LYL1: variants seen among roughly 807,000 people sequenced by gnomAD.
LYL1 encodes LYL1 basic helix-loop-helix family member, also known as protein lyl-1.
In LYL1, 4 loss-of-function variants were observed where a neutral mutation model predicts 11.1. That is an observed-to-expected ratio of 0.36 (90% CI 0.18 to 0.82). LYL1 has a LOEUF of 0.82. Among genes scored for constraint, LYL1 ranks in the 40% least tolerant of loss-of-function variants. LYL1 has a pLI of 0.49. For missense variants in LYL1, 356 were observed against 397.6 expected (o/e 0.90, Z 0.89); for synonymous variants, 179 against 174.8 (o/e 1.02, Z -0.19).
rs1305642227 is a variant in LYL1 at position 13,099,744 on chromosome 19, AGGAG to A, written c.428-14_428-11del. The A allele has an allele frequency of 6.9e-7, 1 of 1,454,406 alleles. No individual in the cohort carries two copies. Among genetic ancestry groups the A allele is most frequent in the Non-Finnish European group, 9.1e-7 (1 of 1,095,130 alleles). 90.1% of individuals were successfully genotyped at this position (1,454,406 alleles called of 1,614,324 possible). A position where few individuals can be genotyped will look rare whatever the true frequency, so the allele number is the denominator to read the frequency against. Reference sequence around the variant, plus strand: ...TTCTGGGGCTGGTGCCCTGTGGACAAGGAGGGCCGGGTTGGTGCCATGGCCCAAA... The same window carrying A: ...TTCTGGGGCTGGTGCCCTGTGGACAAGGCCGGGTTGGTGCCATGGCCCAAA... On this transcript the variant is annotated splice_polypyrimidine_tract_variant and intron_variant, in intron 3 of 3. Transcript: ENST00000264824. The surrounding 1 kb of genome is among the most constrained non-coding windows in gnomAD (Gnocchi z 5.3).
In LYL1 at chr19:13,099,365, C is replaced by G. The variant is rs749120126; in HGVS notation, c.797G>C (p.Arg266Pro). Residue 266 changes from arginine (R) to proline (P), a missense_variant, in exon 4 of 4, where the codon CGG (arginine) becomes CCG (proline). Transcript: ENST00000264824. This position sits in a 1 kb window ranked among gnomAD's most constrained non-coding sequence, Gnocchi z 5.3. ...AGCGGTTTGCTCCATCTTGATGGGC[C>G]GGGCCGCTCCACCGGGGCTGCCGTC... is the stretch of plus-strand genomic sequence containing the variant. ...DPDGSPGGAA[R>P]PIKMEQTALS... The G allele has an allele frequency of 1.0e-5, 13 of 1,278,088 alleles. No individual in the cohort carries two copies. Among genetic ancestry groups the G allele is most frequent in the Middle Eastern group, 5.2e-4 (2 of 3,864 alleles). 79.2% of individuals were successfully genotyped at this position (1,278,088 alleles called of 1,614,324 possible).
intron 3 of LYL1, among the ~76,000 whole-genome samples, chr19:13,100,320 G>A (rs2018665354): frequency 6.6e-6 from 1 of 152,210 alleles, no homozygotes; most frequent in South Asian, 2.1e-4. Flanking sequence ...TTGCATGGCT[G>A]TGGTCTTGTG....
At position 13,099,551 on chromosome 19, in the gene LYL1, C is replaced by T. The variant is rs1165825965; in HGVS notation, c.611G>A (p.Arg204Gln). ...AGCTGCGGCTTGGTCGCGCAGCAGC[C>T]GCACCAGGAAGCCGATGTACTTCAT... ...LAMKYIGFLV[R>Q]LLRDQAAALA... The change falls in exon 4 of 4, where the codon CGG (arginine) becomes CAG (glutamine). Residue 204 changes from arginine to glutamine, a missense_variant. Coordinates refer to ENST00000264824, the MANE Select transcript of LYL1 (RefSeq NM_005583.5). This position sits in a 1 kb window ranked among gnomAD's most constrained non-coding sequence, Gnocchi z 5.3. 1.3e-6 allele frequency: 2 copies of T among 1,517,790 alleles called. No homozygotes were observed. Among genetic ancestry groups the T allele is most frequent in the Non-Finnish European group, 1.8e-6 (2 of 1,130,164 alleles). The allele number at this position is 1,517,790 out of a possible 1,614,324, so 94.0% of individuals were successfully genotyped here. A position where few individuals can be genotyped will look rare whatever the true frequency, so the allele number is the denominator to read the frequency against.
rs777309732 is a variant in LYL1, at chr19:13,101,092, G to A, written c.80C>T (p.Ala27Val). ...GGCAGGCTTAGGGGGTGGGGCAGGCGCTGGGCTGGGGGCACACACCATCTC... is the reference window on the plus strand; with the variant it reads ...GGCAGGCTTAGGGGGTGGGGCAGGCACTGGGCTGGGGGCACACACCATCTC... ...KAEMVCAPSP[A>V]PAPPPKPASP... The change falls in exon 2 of 4, where the codon GCG (alanine) becomes GTG (valine). Residue 27 changes from alanine (A) to valine (V), a missense_variant. By Grantham distance (64) the Ala-to-Val change is moderately conservative (BLOSUM62 0). Coordinates refer to ENST00000264824, the MANE Select transcript of LYL1 (RefSeq NM_005583.5). The surrounding 1 kb of genome is among the most constrained non-coding windows in gnomAD (Gnocchi z 5.1). 1.1e-5 allele frequency: 17 copies of A among 1,487,572 alleles called. No homozygotes were observed. The highest frequency in any genetic ancestry group is 7.1e-5 in the East Asian group (3 of 42,136). The allele number at this position is 1,487,572 out of a possible 1,614,324, so 92.1% of individuals were successfully genotyped here. A position where few individuals can be genotyped will look rare whatever the true frequency, so the allele number is the denominator to read the frequency against.
chr19:13,101,439 T>C lies in LYL1; in HGVS notation c.-24-244A>G. The C allele has an allele frequency of 2.6e-6, 1 of 388,952 alleles. No individual in the cohort carries two copies. The highest frequency in any genetic ancestry group is 4.6e-6 in the Non-Finnish European group (1 of 219,740). 24.1% of individuals were successfully genotyped at this position (388,952 alleles called of 1,614,324 possible). A position where few individuals can be genotyped will look rare whatever the true frequency, so the allele number is the denominator to read the frequency against. ...TAGGCAGCGCACTGTCCCTGAGCTC[T>C]TTGTGACCCAGGAGGGGCGCTGTTG... is the stretch of plus-strand genomic sequence containing the variant. On this transcript the variant is annotated intron_variant, in intron 1 of 3. Coordinates refer to ENST00000264824, the MANE Select transcript of LYL1 (RefSeq NM_005583.5). This position sits in a 1 kb window ranked among gnomAD's most constrained non-coding sequence, Gnocchi z 5.1.
At position 13,100,892 on chromosome 19, in the gene LYL1, C is replaced by T; in HGVS notation, c.280G>A (p.Gly94Arg). 6.4e-7 allele frequency: 1 copy of T among 1,563,594 alleles called. No individual in the cohort carries two copies. The highest frequency in any genetic ancestry group is 8.7e-7 in the Non-Finnish European group (1 of 1,154,174). The change falls in exon 2 of 4, where the codon GGA becomes AGA. Residue 94 changes from glycine to arginine, a missense_variant. Coordinates refer to ENST00000264824, the MANE Select transcript of LYL1 (RefSeq NM_005583.5). Reference protein sequence around the residue: ...RPPLLQLSTLGTAPPTLALHY... With the variant: ...RPPLLQLSTLRTAPPTLALHY... ...AGGGCCAAAGTGGGCGGGGCAGTTCCCAGGGTGGAGAGTTGCAGCAGCGGG... is the reference window on the plus strand; with the variant it reads ...AGGGCCAAAGTGGGCGGGGCAGTTCTCAGGGTGGAGAGTTGCAGCAGCGGG...
chr19:13,101,262 G>C lies in LYL1; in HGVS notation c.-24-67C>G. On this transcript the variant is annotated intron_variant, in intron 1 of 3. Coordinates refer to ENST00000264824, the MANE Select transcript of LYL1 (RefSeq NM_005583.5). The surrounding 1 kb of genome is among the most constrained non-coding windows in gnomAD (Gnocchi z 5.1). ...CCCCGCTCCCACCTGCTTAGCTCAA[G>C]AAACCCCTCAAATGGGAAGGAGGGA... 8.8e-6 allele frequency: 4 copies of C among 454,434 alleles called. No individual in the cohort carries two copies. The highest frequency in any genetic ancestry group is 2.1e-5 in the African/African-American group (1 of 46,878). 28.2% of individuals were successfully genotyped at this position (454,434 alleles called of 1,614,324 possible).
chr19:13,100,188 G>A (rs1229983306), intron 3 of LYL1, among the ~76,000 whole-genome samples: 1 of 152,344 alleles, frequency 6.6e-6, no homozygotes, highest in Middle Eastern at 3.4e-3. Flanking sequence ...TATGTGTGAT[G>A]TTGCCATGTG....
At position 13,100,994 on chromosome 19, in the gene LYL1, C is replaced by T. The variant is rs1307654203; in HGVS notation, c.178G>A (p.Val60Ile). 8.8e-6 allele frequency: 13 copies of T among 1,478,386 alleles called. No homozygotes were observed. In the South Asian group the frequency reaches 1.8e-4, roughly 21 times the overall value. 91.6% of individuals were successfully genotyped at this position (1,478,386 alleles called of 1,614,324 possible). A position where few individuals can be genotyped will look rare whatever the true frequency, so the allele number is the denominator to read the frequency against. Residue 60 changes from valine (V) to isoleucine (I), a missense_variant, in exon 2 of 4, where the codon GTA becomes ATA. By Grantham distance (29) the Val-to-Ile change is conservative. Transcript: ENST00000264824. ...GSSPPRLPPG[V>I]PVISLGHSRP... ...CTGTGGCCCAGGCTGATCACTGGTA[C>T]ACCAGGTGGCAGCCTGGGGGGCGAG...
In LYL1 at chr19:13,100,852, T is replaced by G; in HGVS notation, c.320A>C (p.His107Pro). ...CCCCACTGACCTGTTGAGGAAGGGG[T>G]GAGGGTGGTAGTGCAGGGCCAAAGT... ...PPTLALHYHPHPFLNSVYIGP... is the reference protein window; with the variant it reads ...PPTLALHYHPPPFLNSVYIGP... Residue 107 changes from histidine (H) to proline (P), a missense_variant, in exon 2 of 4, where the codon CAC (histidine) becomes CCC (proline). His to Pro is a moderately conservative substitution (Grantham distance 77). Transcript: ENST00000264824. 6.3e-7 allele frequency: 1 copy of G among 1,575,938 alleles called. No individual in the cohort carries two copies. Among genetic ancestry groups the G allele is most frequent in the East Asian group, 2.3e-5 (1 of 42,924 alleles).
intron 3 of LYL1, among the ~76,000 whole-genome samples, chr19:13,100,289 T>C (rs1334108324): frequency 6.6e-6 from 1 of 150,680 alleles, no homozygotes; most frequent in Non-Finnish European, 1.5e-5. Flanking sequence ...TTGTGTGTGG[T>C]TGTGGTCCTG....
Position 13,100,460 on chromosome 19 carries a change from G to T in LYL1, c.427+197C>A, listed in dbSNP as rs144591813. On this transcript the variant is annotated intron_variant, in intron 3 of 3. Transcript: ENST00000264824. ...CCTGTTGGGTGGCGGTGGTTGTGTG[G>T]GGCTGGCTATGGGACTGCGATTTTG... 5.0e-3 allele frequency among the ~76,000 whole-genome samples: 754 copies of T among 152,316 alleles called. 4 individuals are homozygous for T. The highest frequency in any genetic ancestry group is 0.018 in the African/African-American group (732 of 41,568).
At position 13,102,167 on chromosome 19, in the gene LYL1, G is replaced by C. The variant is rs964470500; in HGVS notation, c.-25+364C>G. ...AAAAAAAAAAATTTTTTTTGTAGAGGCAGGTTCTCACTCTGTTGTCCAGGG... is the reference window on the plus strand; with the variant it reads ...AAAAAAAAAAATTTTTTTTGTAGAGCCAGGTTCTCACTCTGTTGTCCAGGG... On this transcript the variant is annotated intron_variant, in intron 1 of 3. Coordinates refer to ENST00000264824, the MANE Select transcript of LYL1 (RefSeq NM_005583.5). This position sits in a 1 kb window ranked among gnomAD's most constrained non-coding sequence, Gnocchi z 4.9. The C allele has an allele frequency of 9.9e-6, 2 of 202,452 alleles. No individual in the cohort carries two copies. The highest frequency in any genetic ancestry group is 2.0e-5 in the Non-Finnish European group (2 of 98,574). 12.5% of individuals were successfully genotyped at this position (202,452 alleles called of 1,614,324 possible). A position where few individuals can be genotyped will look rare whatever the true frequency, so the allele number is the denominator to read the frequency against.
Position 13,100,887 on chromosome 19 carries a change from A to C in LYL1, c.285T>G (p.Thr95=), listed in dbSNP as rs748848233. 1.9e-6 allele frequency: 3 copies of C among 1,565,406 alleles called. No homozygotes were observed. Among genetic ancestry groups the C allele is most frequent in the East Asian group, 4.7e-5 (2 of 42,508 alleles). Reference sequence around the variant, plus strand: ...AGTGCAGGGCCAAAGTGGGCGGGGCAGTTCCCAGGGTGGAGAGTTGCAGCA... The same window carrying C: ...AGTGCAGGGCCAAAGTGGGCGGGGCCGTTCCCAGGGTGGAGAGTTGCAGCA... The part of the protein sequence containing the change: ...PPLLQLSTLG[T]APPTLALHYH... The change falls in exon 2 of 4, where the codon ACT becomes ACG. Residue 95 remains threonine (T), a synonymous_variant. Transcript: ENST00000264824.
Position 13,099,568 on chromosome 19 carries a change from G to C in LYL1, c.594C>G (p.Tyr198Ter). Residue 198 changes from tyrosine to a stop codon, truncating the protein, a stop_gained, in exon 4 of 4, where the codon TAC (tyrosine) becomes TAG (stop). Transcript: ENST00000264824. LOFTEE classifies it low-confidence loss of function (END_TRUNC). This position sits in a 1 kb window ranked among gnomAD's most constrained non-coding sequence, Gnocchi z 5.3. ...KNEVLRLAMK[Y>*]IGFLVRLLRD... Reference sequence around the variant, plus strand: ...GCAGCAGCCGCACCAGGAAGCCGATGTACTTCATGGCTAGGCGGAGCACCT... The same window carrying C: ...GCAGCAGCCGCACCAGGAAGCCGATCTACTTCATGGCTAGGCGGAGCACCT... 6.5e-7 allele frequency: 1 copy of C among 1,540,182 alleles called. No individual in the cohort carries two copies. The highest frequency in any genetic ancestry group is 8.8e-7 in the Non-Finnish European group (1 of 1,142,760).
At position 13,101,009 on chromosome 19, in the gene LYL1, T is replaced by C. The variant is rs1452363880; in HGVS notation, c.163A>G (p.Arg55Gly). 2.0e-5 allele frequency: 30 copies of C among 1,473,076 alleles called. No individual in the cohort carries two copies. Among genetic ancestry groups the C allele is most frequent in the Admixed American group, 5.3e-5 (2 of 37,858 alleles). The allele number at this position is 1,473,076 out of a possible 1,614,324, so 91.3% of individuals were successfully genotyped here. ...VGHRGGSSPP[R>G]LPPGVPVISL... ...ATCACTGGTACACCAGGTGGCAGCC[T>C]GGGGGGCGAGGAGCCTCCTCGGTGG... Residue 55 changes from arginine to glycine, a missense_variant, in exon 2 of 4, where the codon AGG (arginine) becomes GGG (glycine). Arg to Gly is a moderately radical substitution (Grantham distance 125). Coordinates refer to ENST00000264824, the MANE Select transcript of LYL1 (RefSeq NM_005583.5). The surrounding 1 kb of genome is among the most constrained non-coding windows in gnomAD (Gnocchi z 5.1).
chr19:13,101,620 T>G lies in LYL1; in HGVS notation c.-24-425A>C. 4.5e-6 allele frequency: 1 copy of G among 223,884 alleles called. No homozygotes were observed. Among genetic ancestry groups the G allele is most frequent in the Non-Finnish European group, 8.9e-6 (1 of 112,714 alleles). The allele number at this position is 223,884 out of a possible 1,614,324, so 13.9% of individuals were successfully genotyped here. ...AGATCTAAAGATCCAACCCAGAGAC[T>G]CCTCATTAACTCATTGATGCCATGT... On this transcript the variant is annotated intron_variant, in intron 1 of 3. Coordinates refer to ENST00000264824, the MANE Select transcript of LYL1 (RefSeq NM_005583.5). This position sits in a 1 kb window ranked among gnomAD's most constrained non-coding sequence, Gnocchi z 5.1.
rs573032291 is a variant in LYL1, at chr19:13,099,778, G to A, written c.428-44C>T. The A allele has an allele frequency of 3.6e-5, 50 of 1,373,728 alleles. No homozygotes were observed. In the East Asian group the frequency reaches 1.1e-3, roughly 31 times the overall value. 85.1% of individuals were successfully genotyped at this position (1,373,728 alleles called of 1,614,324 possible). ...GGGTTGGTGCCATGGCCCAAAGGGC[G>A]GCCCCTCCTGCCCTCCCGCTAGACA... On this transcript the variant is annotated intron_variant, in intron 3 of 3. Transcript: ENST00000264824. This position sits in a 1 kb window ranked among gnomAD's most constrained non-coding sequence, Gnocchi z 5.3.
intron 3 of LYL1, among the ~76,000 whole-genome samples, chr19:13,100,378 T>A (rs2018666452): frequency 6.6e-6 from 1 of 152,216 alleles, no homozygotes. Flanking sequence ...ATTTTGTGGC[T>A]CCCATGCCCT....
Sources: gnomAD v4.1 joint callset for allele counts (sites outside exome capture counted in the v4.1 genomes callset) on GRCh38, gnomAD v4.1.1 for gene constraint, Gnocchi (gnomAD v3.1) non-coding constraint, MANE v1.5 for transcripts, NCBI Gene and HGNC (gene_info 2026-07-23, HGNC 2026-07-21) for gene names.